The following NOL4 variants were observed in gnomAD, a reference collection of about 807,000 sequenced individuals.
The protein encoded by NOL4 is cancer/testis antigen 125.
In NOL4, 17 loss-of-function variants were observed where a neutral mutation model predicts 75.9. The ratio of observed to expected loss-of-function variants is 0.22; its 90% confidence interval spans 0.15 to 0.34. NOL4 has a LOEUF of 0.34. NOL4 is among the 10% of genes least tolerant of loss of function. The probability of loss-of-function intolerance (pLI) is 1.00; values close to 1 mark genes in which losing one functional copy is unlikely to be tolerated. For missense variants in NOL4, 614 were observed against 793.5 expected, an observed-to-expected ratio of 0.77 and a Z score of 2.72; for synonymous variants, 292 against 289.9, an observed-to-expected ratio of 1.01 and a Z score of -0.07.
chr18:34,219,457 G>A lies in NOL4; in HGVS notation c.264+3533C>T, dbSNP rs139294765. Among the ~76,000 whole-genome samples, 372 of 152,276 alleles carry A rather than the reference G, an allele frequency of 2.4e-3. 3 individuals carry two copies. The highest frequency in any genetic ancestry group is 8.3e-3 in the African/African-American group (345 of 41,560). The stretch of plus-strand genomic sequence containing the variant: ...AGTTTACCATTCACAATATCAAATG[G>A]TATAATGTGTTCTGGTAGTTTAAAC... On this transcript the variant is annotated intron_variant, in intron 1 of 10. Coordinates refer to ENST00000261592, the MANE Select transcript of NOL4 (RefSeq NM_003787.5).
chr18:33,981,522 G>C (rs967927336), intron 6 of NOL4, among the ~76,000 whole-genome samples: 1 of 151,962 alleles, frequency 6.6e-6, no homozygotes, highest in Non-Finnish European at 1.5e-5. Context: ...AAAAAGATTG[G>C]AGTGAAATAC....
chr18:34,158,696 T>C (rs1039228417), intron 1 of NOL4: 1 of 152,224 alleles, frequency 6.6e-6, no homozygotes, highest in African/African-American at 2.4e-5. Context: ...CTATATATCC[T>C]TCTAATGAAA....
intron 9 of NOL4, among the ~76,000 whole-genome samples, chr18:33,891,507 T>C (rs1238889526): frequency 1.3e-5 from 2 of 152,152 alleles, no homozygotes; most frequent in African/African-American, 4.8e-5. Flanking sequence ...TTGGGGTCCT[T>C]GGGAAAAGGT....
At chr18:34,166,009 G>A (rs1163090517) in intron 1 of NOL4, among the ~76,000 whole-genome samples, 1 of 151,954 alleles carries the variant, frequency 6.6e-6, no homozygotes, top group Non-Finnish European at 1.5e-5. Context: ...TACAAAATAT[G>A]TCTTTCCAAA....
At chr18:33,984,165 T>C (rs2072237908) in intron 6 of NOL4, among the ~76,000 whole-genome samples, 1 of 152,102 alleles carries the variant, frequency 6.6e-6, no homozygotes, top group Non-Finnish European at 1.5e-5. Context: ...TAAGGAGACA[T>C]TATTTCTTTA....
intron 6 of NOL4, among the ~76,000 whole-genome samples, 186 bp downstream of exon 6, chr18:34,019,132 C>T (rs1304170853): frequency 6.6e-6 from 1 of 152,156 alleles, no homozygotes; most frequent in Admixed American, 6.5e-5. Flanking sequence ...ATTCATTTTG[C>T]TATTATTCCT....
At chr18:33,910,029 CAT>C (rs2145124500) in intron 9 of NOL4, among the ~76,000 whole-genome samples, 1 of 152,278 alleles carries the variant, frequency 6.6e-6, no homozygotes, top group Non-Finnish European at 1.5e-5. Flanking sequence ...TGTGCGTGTA[CAT>C]ATGTGTGTGT....
chr18:34,051,607 T>A (rs536933605), intron 5 of NOL4, among the ~76,000 whole-genome samples: 1 of 152,232 alleles, frequency 6.6e-6, no homozygotes, highest in Admixed American at 6.6e-5. Flanking sequence ...GGTGCTGGGA[T>A]ACAAAGGCTT....
rs192414484 is a variant in NOL4, at chr18:34,066,603, C to T, written c.772+26862G>A. ...AGAAAGCTTGCATGTCAAATCAGTA[C>T]TAAAGTATTCCAAAACTGTCTATGA... On this transcript the variant is annotated intron_variant, in intron 5 of 10. Transcript: ENST00000261592. Among the ~76,000 whole-genome samples the T allele has an allele frequency of 2.5e-3, 372 of 151,210 alleles. 4 individuals carry two copies. The highest frequency in any genetic ancestry group is 7.7e-3 in the African/African-American group (317 of 41,302).
At chr18:33,891,025 C>T (rs887262659) in intron 9 of NOL4, among the ~76,000 whole-genome samples, 1 of 151,514 alleles carries the variant, frequency 6.6e-6, no homozygotes, top group African/African-American at 2.4e-5. Flanking sequence ...GGAGAGCAAA[C>T]CTTTCTGTCT....
intron 5 of NOL4, among the ~76,000 whole-genome samples, chr18:34,043,946 T>A (rs187777411): frequency 6.6e-6 from 1 of 152,222 alleles, no homozygotes. Flanking sequence ...CTTAGGGGTC[T>A]CTCTCATGGG....
intron 2 of NOL4, among the ~76,000 whole-genome samples, chr18:34,127,336 A>G (rs1313460300): frequency 6.6e-6 from 1 of 151,946 alleles, no homozygotes; most frequent in Non-Finnish European, 1.5e-5. Flanking sequence ...ATCTATTGAT[A>G]ATATTGTTAA....
rs1359243988 is a variant in NOL4, at chr18:34,223,363, G to A, written c.-110C>T. ...CCACGTTGCAGGGATGCGAGGTCCC[G>A]GCCGCAGCGGGAGCCTGCTTTGGGT... On this transcript the variant is annotated 5_prime_UTR_variant, in exon 1 of 11. Transcript: ENST00000261592. 3.4e-6 allele frequency: 5 copies of A among 1,461,878 alleles called. No homozygotes were observed. The highest frequency in any genetic ancestry group is 2.7e-5 in the South Asian group (2 of 74,816). 90.6% of individuals were successfully genotyped at this position (1,461,878 alleles called of 1,614,324 possible).
intron 6 of NOL4, among the ~76,000 whole-genome samples, chr18:34,018,055 A>G (rs780862219): frequency 7.9e-5 from 12 of 152,186 alleles, no homozygotes; most frequent in Non-Finnish European, 1.8e-4. Context: ...AAAAAAGAAG[A>G]GCAAACTATC....
At chr18:33,888,810 CG>C (rs2064923109) in intron 9 of NOL4, among the ~76,000 whole-genome samples, 1 of 151,978 alleles carries the variant, frequency 6.6e-6, no homozygotes, top group Non-Finnish European at 1.5e-5. Flanking sequence ...CATGCTGTTT[CG>C]GTTGCTGTAG....
rs2037461287 is a variant in NOL4, at chr18:34,223,524, CTT to C, written c.-273_-272del. ...TTCCTGTTCCCTTAGCGGTCGGTCTCTTTAATATTTTGTGACCAGGACCATCC... is the reference window on the plus strand; with the variant it reads ...TTCCTGTTCCCTTAGCGGTCGGTCTCTAATATTTTGTGACCAGGACCATCC... On this transcript the variant is annotated 5_prime_UTR_variant, in exon 1 of 11. It removes the in-frame stop codon of an upstream open reading frame in the 5' UTR. Transcript: ENST00000261592. The C allele has an allele frequency of 1.8e-6, 1 of 546,802 alleles. No individual in the cohort carries two copies. Among genetic ancestry groups the C allele is most frequent in the Non-Finnish European group, 3.2e-6 (1 of 308,006 alleles). The allele number at this position is 546,802 out of a possible 1,614,324, so 33.9% of individuals were successfully genotyped here. A position where few individuals can be genotyped will look rare whatever the true frequency, so the allele number is the denominator to read the frequency against.
chr18:34,051,422 T>C (rs2076620381), intron 5 of NOL4, among the ~76,000 whole-genome samples: 2 of 152,144 alleles, frequency 1.3e-5, no homozygotes, highest in South Asian at 4.1e-4. Context: ...AAATATTTCT[T>C]GTTCTTTTAT....
At chr18:33,994,342 A>G (rs1405473194) in intron 6 of NOL4, among the ~76,000 whole-genome samples, 1 of 151,830 alleles carries the variant, frequency 6.6e-6, no homozygotes. Flanking sequence ...CTACCCAACA[A>G]CAGCAATATA....
chr18:33,898,617 T>G (rs528580066), intron 9 of NOL4, among the ~76,000 whole-genome samples: 9 of 152,250 alleles, frequency 5.9e-5, no homozygotes, highest in African/African-American at 7.2e-5. Context: ...AAAATGACAA[T>G]TCTTGTCATC....
Sources: allele counts gnomAD v4.1 joint callset (sites outside exome capture counted in the v4.1 genomes callset), GRCh38; gene constraint gnomAD v4.1.1; transcripts MANE v1.5; gene names NCBI Gene and HGNC (gene_info 2026-07-23, HGNC 2026-07-21).